CHST15: variants seen among roughly 807,000 people sequenced by gnomAD.
CHST15 encodes the protein B cell RAG associated protein (GALNAC4S-6ST).
A neutral mutation model predicts 53.6 loss-of-function variants in CHST15; 30 were observed. The ratio of observed to expected loss-of-function variants is 0.56; its 90% confidence interval spans 0.42 to 0.76. The LOEUF (loss-of-function observed/expected upper bound fraction) is 0.76. CHST15 is among the 30% of genes least tolerant of loss of function. The pLI is 0.00. For missense variants in CHST15, 627 were observed against 740.5 expected (o/e 0.85, Z 1.78); for synonymous variants, 296 against 289.8 (o/e 1.02, Z -0.22).
chr10:124,070,381 T>C (rs1948876960), intron 1 of CHST15, among the ~76,000 whole-genome samples: 2 of 152,138 alleles, frequency 1.3e-5, no homozygotes, highest in South Asian at 4.1e-4. Context: ...TTTTTTGTTT[T>C]GTTTTGTTTT....
intron 3 of CHST15, 43 bp from the exon 4 acceptor site, chr10:124,042,490 T>C (rs772000337): frequency 6.2e-7 from 1 of 1,603,652 alleles, no homozygotes; most frequent in Non-Finnish European, 8.5e-7. Context: ...ACAAAGTTGC[T>C]ACTGCTGGAG....
intron 5 of CHST15, among the ~76,000 whole-genome samples, chr10:124,031,352 T>C (rs1371237194): frequency 6.6e-6 from 1 of 152,198 alleles, no homozygotes; most frequent in Non-Finnish European, 1.5e-5. Context: ...TTCTGAGAAA[T>C]GCATCAGTAG....
At chr10:124,013,502 C>T (rs1946484227) in intron 6 of CHST15, among the ~76,000 whole-genome samples, 1 of 152,240 alleles carries the variant, frequency 6.6e-6, no homozygotes, top group Non-Finnish European at 1.5e-5. Context: ...CTTCCTCTCC[C>T]TTGGCTGATT....
chr10:124,061,906 G>A (rs528376107), intron 1 of CHST15, among the ~76,000 whole-genome samples: 11 of 151,912 alleles, frequency 7.2e-5, no homozygotes, highest in South Asian at 6.2e-4. Context: ...TAAAGACTGC[G>A]CAAAGCACCA....
intron 1 of CHST15, among the ~76,000 whole-genome samples, chr10:124,061,127 G>A (rs556925567): frequency 1.5e-4 from 23 of 152,304 alleles, no homozygotes; most frequent in African/African-American, 5.3e-4. Context: ...TTAAACACAA[G>A]CTGAAGCCCA....
In CHST15 at chr10:124,038,620, T is replaced by C. The variant is rs1160083771; in HGVS notation, c.1085A>G (p.Tyr362Cys). The part of the protein sequence containing the change: ...MWDNNAWTFF[Y>C]DNSTDGEPPF... Reference sequence around the variant, plus strand: ...TGGCTCGCCATCCGTGCTGTTGTCGTAGAAGAACGTCCAGGCATTATTATC... The same window carrying C: ...TGGCTCGCCATCCGTGCTGTTGTCGCAGAAGAACGTCCAGGCATTATTATC... Residue 362 changes from tyrosine to cysteine, a missense_variant, in exon 5 of 8, where the codon TAC becomes TGC. By Grantham distance (194) the Tyr-to-Cys change is radical. This residue lies in a region of CHST15 where 279 missense variants were observed against 371.6 expected (regional missense o/e 0.75). Transcript: ENST00000435907. The C allele has an allele frequency of 6.2e-7, 1 of 1,614,052 alleles. No homozygotes were observed. Among genetic ancestry groups the C allele is most frequent in the African/African-American group, 1.3e-5 (1 of 74,908 alleles).
In CHST15 at chr10:124,045,112, C is replaced by CAAAAAAAAAAAAAAAAAAAAAA. The variant is rs758243657; in HGVS notation, c.547-215_547-194dup. Among the ~76,000 whole-genome samples, 58 of 33,768 alleles carry CAAAAAAAAAAAAAAAAAAAAAA rather than the reference C, an allele frequency of 1.7e-3. 2 individuals carry two copies. The highest frequency in any genetic ancestry group is 5.0e-3 in the East Asian group (4 of 804). The allele number at this position is 33,768 out of a possible 152,430, so 22.2% of individuals were successfully genotyped here. Reference sequence around the variant, plus strand: ...TGCTTTCCTCTCCCCCGCCGCCCCACAAAAAAAAAAAAAAAAAAAAAAAAA... The same window carrying CAAAAAAAAAAAAAAAAAAAAAA: ...TGCTTTCCTCTCCCCCGCCGCCCCACAAAAAAAAAAAAAAAAAAAAAAAAAAAAAAAAAAAAAAAAAAAAAAA... On this transcript the variant is annotated intron_variant, in intron 2 of 7. Transcript: ENST00000435907.
chr10:124,042,311 T>A lies in CHST15; in HGVS notation c.1023A>T (p.Thr341=). The change falls in exon 4 of 8, where the codon ACA becomes ACT. Residue 341 remains threonine, a synonymous_variant. Coordinates refer to ENST00000435907, the MANE Select transcript of CHST15 (RefSeq NM_001270764.2). ...ACACAGACGCCTTACCGATAATGATTGTATTCATCTTGCTCTGCTCCTTTG... is the reference window on the plus strand; with the variant it reads ...ACACAGACGCCTTACCGATAATGATAGTATTCATCTTGCTCTGCTCCTTTG... ...SSAKEQSKMN[T]IIIGEASAST... The A allele has an allele frequency of 6.2e-7, 1 of 1,611,644 alleles. No homozygotes were observed. Among genetic ancestry groups the A allele is most frequent in the Non-Finnish European group, 8.5e-7 (1 of 1,177,912 alleles).
chr10:124,073,895 G>A (rs1948998636), intron 1 of CHST15, among the ~76,000 whole-genome samples: 1 of 152,134 alleles, frequency 6.6e-6, no homozygotes, highest in East Asian at 1.9e-4. Context: ...AGGTCTGATG[G>A]GTTTCCAGGG....
At position 124,038,629 on chromosome 10, in the gene CHST15, G is replaced by C; in HGVS notation, c.1076C>G (p.Thr359Arg). The C allele has an allele frequency of 6.2e-7, 1 of 1,614,178 alleles. No individual in the cohort carries two copies. Among genetic ancestry groups the C allele is most frequent in the Non-Finnish European group, 8.5e-7 (1 of 1,180,040 alleles). Reference sequence around the variant, plus strand: ...ATCCGTGCTGTTGTCGTAGAAGAACGTCCAGGCATTATTATCCCACATCGT... The same window carrying C: ...ATCCGTGCTGTTGTCGTAGAAGAACCTCCAGGCATTATTATCCCACATCGT... ...ASTMWDNNAW[T>R]FFYDNSTDGE... Residue 359 changes from threonine to arginine, a missense_variant, in exon 5 of 8, where the codon ACG (threonine) becomes AGG (arginine). Thr to Arg is a moderately conservative substitution (Grantham distance 71). Coordinates refer to ENST00000435907, the MANE Select transcript of CHST15 (RefSeq NM_001270764.2).
At position 124,008,836 on chromosome 10, in the gene CHST15, T is replaced by C; in HGVS notation, c.*1313A>G. ...GTCCCACCTGGGCTGTTGCCAAGGA[T>C]GCTCAAGCGTTCTCTTCAATCTTCC... On this transcript the variant is annotated 3_prime_UTR_variant, in exon 8 of 8. Transcript: ENST00000435907. 1 of 1,240,238 alleles carries C rather than the reference T, an allele frequency of 8.1e-7. No individual in the cohort carries two copies. The allele number at this position is 1,240,238 out of a possible 1,614,324, so 76.8% of individuals were successfully genotyped here.
At chr10:124,040,546 G>C (rs1014562877) in intron 4 of CHST15, among the ~76,000 whole-genome samples, 1 of 152,202 alleles carries the variant, frequency 6.6e-6, no homozygotes, top group African/African-American at 2.4e-5. Context: ...GGTCCTCTCT[G>C]ACCTAGGGGC....
chr10:124,036,202 G>T lies in CHST15; in HGVS notation c.1190+2313C>A, dbSNP rs1321676874. Among the ~76,000 whole-genome samples the T allele has an allele frequency of 3.3e-5, 5 of 152,208 alleles. No homozygotes were observed. The highest frequency in any genetic ancestry group is 1.2e-4 in the African/African-American group (5 of 41,448). ...GGGGGCGGCGAGGGGTCAGCTCGAG[G>T]TGACAGTTATGTCACCATGAGAGCT... On this transcript the variant is annotated intron_variant, in intron 5 of 7. Coordinates refer to ENST00000435907, the MANE Select transcript of CHST15 (RefSeq NM_001270764.2). This position sits in a 1 kb window ranked among gnomAD's most constrained non-coding sequence, Gnocchi z 5.1.
intron 1 of CHST15, among the ~76,000 whole-genome samples, chr10:124,064,244 C>T (rs1948683234): frequency 1.3e-5 from 2 of 152,064 alleles, no homozygotes; most frequent in Non-Finnish European, 2.9e-5. Context: ...CTGACTGGTA[C>T]AATCAAGACC....
At chr10:124,014,118 G>C (rs75302366) in intron 6 of CHST15, among the ~76,000 whole-genome samples, 3 of 152,266 alleles carry the variant, frequency 2.0e-5, no homozygotes, top group Admixed American at 6.5e-5. Flanking sequence ...GGCTCCCCAG[G>C]CTCCTCCCTG....
At chr10:124,031,295 G>A (rs1746982024) in intron 5 of CHST15, among the ~76,000 whole-genome samples, 1 of 152,220 alleles carries the variant, frequency 6.6e-6, no homozygotes, top group Non-Finnish European at 1.5e-5. Flanking sequence ...CATCAAGGGT[G>A]TTCAATAAAT....
At chr10:124,082,093 A>G (rs893364602) in intron 1 of CHST15, among the ~76,000 whole-genome samples, 1 of 152,164 alleles carries the variant, frequency 6.6e-6, no homozygotes, top group Admixed American at 6.5e-5. Flanking sequence ...TCAGATGGAC[A>G]TTGGATGGAC....
chr10:124,032,726 A>C (rs951652760), intron 5 of CHST15, among the ~76,000 whole-genome samples: 1 of 151,918 alleles, frequency 6.6e-6, no homozygotes, highest in African/African-American at 2.4e-5. Context: ...CAGAGAGGAA[A>C]CTGGAACATG....
In CHST15 at chr10:124,038,534, G is replaced by A; in HGVS notation, c.1171C>T (p.Leu391Phe). The A allele has an allele frequency of 1.2e-6, 2 of 1,614,236 alleles. No individual in the cohort carries two copies. The highest frequency in any genetic ancestry group is 1.7e-6 in the Non-Finnish European group (2 of 1,180,046). ...GCTCACCTCTCCACAGGGTCCCTGA[G>A]CATGACAATCAGTCTGGCATTTGGC... ...FQPNARLIVM[L>F]RDPVERLYSD... Residue 391 changes from leucine (L) to phenylalanine (F), a missense_variant, in exon 5 of 8, where the codon CTC becomes TTC. Coordinates refer to ENST00000435907, the MANE Select transcript of CHST15 (RefSeq NM_001270764.2).
Sources: allele counts gnomAD v4.1 joint callset (sites outside exome capture counted in the v4.1 genomes callset), GRCh38; gene constraint gnomAD v4.1.1; regional missense constraint gnomAD v4.1.1; non-coding constraint Gnocchi (gnomAD v3.1); transcripts MANE v1.5; gene names NCBI Gene and HGNC (gene_info 2026-07-23, HGNC 2026-07-21).